Variants in IL1RAPL1 observed in about 807,000 individuals in gnomAD.
The protein encoded by IL1RAPL1 is interleukin-1 receptor accessory protein-like 1.
In IL1RAPL1, 3 loss-of-function variants were observed where a neutral mutation model predicts 48.4. That is an observed-to-expected ratio of 0.06 (90% CI 0.03 to 0.16). The LOEUF (loss-of-function observed/expected upper bound fraction) is 0.16. Among genes scored for constraint, IL1RAPL1 ranks in the 10% least tolerant of loss-of-function variants. IL1RAPL1 has a pLI of 1.00. For synonymous variants in IL1RAPL1, 185 were observed against 187.7 expected, an observed-to-expected ratio of 0.99 and a Z score of 0.12; for missense variants, 349 against 530.6, an observed-to-expected ratio of 0.66 and a Z score of 3.36.
Position 28,773,930 on chromosome X carries a change from T to G in IL1RAPL1, c.-24-15390T>G, listed in dbSNP as rs1120687. Among the ~76,000 whole-genome samples the G allele has an allele frequency of 1.2e-3, 138 of 112,393 alleles. 2 individuals carry two copies. The highest frequency in any genetic ancestry group is 4.4e-3 in the African/African-American group (136 of 31,004). On this transcript the variant is annotated intron_variant, in intron 1 of 10. Transcript: ENST00000378993. The stretch of plus-strand genomic sequence containing the variant: ...TCTGTTCCTCGCAAAATGTCCACGT[T>G]AAAGTTACTAATGAACGTTGTTTAC...
At chrX:28,903,305 A>G (rs763718149) in intron 2 of IL1RAPL1, among the ~76,000 whole-genome samples, 1 of 110,701 alleles carries the variant, frequency 9.0e-6, no homozygotes, top group South Asian at 3.9e-4. Context: ...TTTTTAGTAG[A>G]GATGGGGTTT....
chrX:29,801,141 A>G (rs1331905368), intron 6 of IL1RAPL1, among the ~76,000 whole-genome samples: 1 of 105,687 alleles, frequency 9.5e-6, no homozygotes, highest in East Asian at 3.0e-4. Flanking sequence ...TTCTAGATTC[A>G]AGCAAGGCAT....
chrX:29,097,706 AT>A (rs374825891), intron 2 of IL1RAPL1, among the ~76,000 whole-genome samples: 107 of 111,187 alleles, frequency 9.6e-4, no homozygotes, highest in Middle Eastern at 4.6e-3. Context: ...TGAAAAAAAA[AT>A]AACTTGATTC....
chrX:29,333,248 C>T (rs1363759930), intron 3 of IL1RAPL1, among the ~76,000 whole-genome samples: 1 of 108,591 alleles, frequency 9.2e-6, no homozygotes, highest in African/African-American at 3.3e-5. Context: ...CCCCTCACCT[C>T]CCGGATGGGG....
chrX:29,589,041 G>A (rs113020710), intron 5 of IL1RAPL1, among the ~76,000 whole-genome samples: 2,303 of 111,064 alleles, frequency 0.021, 63 homozygotes, highest in African/African-American at 0.071. Flanking sequence ...CATGTTAAGA[G>A]TGCCGAATCT....
intron 2 of IL1RAPL1, among the ~76,000 whole-genome samples, chrX:29,011,146 T>A (rs1343350537): frequency 1.8e-5 from 2 of 111,662 alleles, no homozygotes; most frequent in African/African-American, 6.5e-5. Flanking sequence ...AATATACAGA[T>A]AGCCCATAGG....
intron 5 of IL1RAPL1, among the ~76,000 whole-genome samples, chrX:29,660,058 A>G (rs1278524050): frequency 9.0e-6 from 1 of 111,111 alleles, no homozygotes; most frequent in South Asian, 3.9e-4. Flanking sequence ...GAGACAGCGA[A>G]GGGGGAAGTG....
chrX:28,604,931 T>A (rs1258701478), intron 1 of IL1RAPL1, among the ~76,000 whole-genome samples: 1 of 111,103 alleles, frequency 9.0e-6, no homozygotes, highest in Non-Finnish European at 1.9e-5. Flanking sequence ...GCACAATGGA[T>A]CAGTCCTTGT....
At chrX:29,528,884 C>G (rs1935582995) in intron 5 of IL1RAPL1, among the ~76,000 whole-genome samples, 1 of 110,893 alleles carries the variant, frequency 9.0e-6, no homozygotes, top group Non-Finnish European at 1.9e-5. Context: ...ATCTTGGAGC[C>G]CCTCTTTGAA....
intron 3 of IL1RAPL1, among the ~76,000 whole-genome samples, chrX:29,367,635 C>T (rs1338657094): frequency 9.3e-6 from 1 of 107,803 alleles, no homozygotes; most frequent in African/African-American, 3.4e-5. Context: ...TGCTGGAGTG[C>T]AGTGGTGCAA....
At chrX:29,545,235 C>G (rs1602289271) in intron 5 of IL1RAPL1, among the ~76,000 whole-genome samples, 1 of 97,441 alleles carries the variant, frequency 1.0e-5, no homozygotes, top group South Asian at 4.5e-4. Flanking sequence ...ATCTATCTAT[C>G]TATCTATTGG....
chrX:28,743,054 T>A (rs190104020), intron 1 of IL1RAPL1, among the ~76,000 whole-genome samples: 85 of 111,798 alleles, frequency 7.6e-4, no homozygotes, highest in Non-Finnish European at 1.2e-3. Flanking sequence ...TCATAATTGA[T>A]TACATATGAT....
intron 9 of IL1RAPL1, among the ~76,000 whole-genome samples, chrX:29,947,502 C>T (rs1306827065): frequency 9.0e-6 from 1 of 111,291 alleles, no homozygotes; most frequent in Non-Finnish European, 1.9e-5. Context: ...AGGCATTGAA[C>T]AAAATTAGTT....
chrX:29,924,438 A>G (rs1932869609), intron 8 of IL1RAPL1, among the ~76,000 whole-genome samples: 1 of 112,499 alleles, frequency 8.9e-6, no homozygotes. Flanking sequence ...AATGATGACT[A>G]AGAACCTACT....
intron 1 of IL1RAPL1, among the ~76,000 whole-genome samples, chrX:28,629,529 A>T (rs1465226918): frequency 8.9e-6 from 1 of 112,174 alleles, no homozygotes; most frequent in Non-Finnish European, 1.9e-5. Flanking sequence ...TATAATACAC[A>T]CTTACCTTGG....
chrX:29,507,984 C>T (rs1341651358), intron 5 of IL1RAPL1, among the ~76,000 whole-genome samples: 1 of 111,723 alleles, frequency 9.0e-6, no homozygotes, highest in Non-Finnish European at 1.9e-5. Flanking sequence ...TTGGAGAGAA[C>T]TTGTTTCCTT....
chrX:28,748,651 T>G (rs2146956603), intron 1 of IL1RAPL1, among the ~76,000 whole-genome samples: 1 of 112,234 alleles, frequency 8.9e-6, no homozygotes, highest in East Asian at 2.8e-4. Context: ...GTATTTTATT[T>G]ATATTTTTAA....
At chrX:29,390,408 A>G (rs774652782) in intron 3 of IL1RAPL1, among the ~76,000 whole-genome samples, 2 of 112,212 alleles carry the variant, frequency 1.8e-5, no homozygotes, top group African/African-American at 3.2e-5. Flanking sequence ...AGAGTAGACC[A>G]TATAAAACAC....
intron 8 of IL1RAPL1, among the ~76,000 whole-genome samples, chrX:29,931,405 C>T (rs1932947458): frequency 9.0e-6 from 1 of 111,523 alleles, no homozygotes; most frequent in African/African-American, 3.3e-5. Flanking sequence ...TTGCATGAAA[C>T]TTGTCTCAAG....
Sources: gnomAD v4.1 joint callset for allele counts (sites outside exome capture counted in the v4.1 genomes callset) on GRCh38, gnomAD v4.1.1 for gene constraint, MANE v1.5 for transcripts, NCBI Gene and HGNC (gene_info 2026-07-23, HGNC 2026-07-21) for gene names.